Variants in DNAJC5B observed in about 807,000 individuals in gnomAD.
DNAJC5B encodes the protein DnaJ heat shock protein family (Hsp40) member C5 beta.
DNAJC5B carries 23 observed loss-of-function variants against 24.7 expected under a neutral mutation model. That is an observed-to-expected ratio of 0.93 (90% confidence interval 0.67 to 1.32). DNAJC5B has a LOEUF of 1.32. Ranked by LOEUF, DNAJC5B falls within the 40% of genes most tolerant of loss-of-function variation. The pLI, the probability that DNAJC5B is intolerant of heterozygous loss-of-function variation, is 0.00. For synonymous variants in DNAJC5B, 101 were observed against 90.1 expected (o/e 1.12, Z -0.68); for missense variants, 238 against 240.8 (o/e 0.99, Z 0.08).
chr8:66,078,651 T>C (rs1043155958), intron 4 of DNAJC5B, among the ~76,000 whole-genome samples: 4 of 152,188 alleles, frequency 2.6e-5, no homozygotes, highest in Admixed American at 6.5e-5. Context: ...TCAAGAACAC[T>C]GCACAGGAGG....
At chr8:66,073,533 G>A (rs914017321) in intron 3 of DNAJC5B, among the ~76,000 whole-genome samples, 1 of 151,756 alleles carries the variant, frequency 6.6e-6, no homozygotes, top group African/African-American at 2.4e-5. Flanking sequence ...AAATTGACAA[G>A]CTAATTCTAA....
chr8:66,074,572 G>T (rs527545835), intron 3 of DNAJC5B, among the ~76,000 whole-genome samples: 1 of 152,256 alleles, frequency 6.6e-6, no homozygotes, highest in African/African-American at 2.4e-5. Flanking sequence ...AGAATTAAAG[G>T]CTCACATTCT....
At chr8:66,061,534 C>G (rs572549589) in intron 3 of DNAJC5B, among the ~76,000 whole-genome samples, 72 of 151,570 alleles carry the variant, frequency 4.8e-4, no homozygotes, top group African/African-American at 1.6e-3. Flanking sequence ...AGCTAGGGCA[C>G]GGGTGCAGGG....
At chr8:66,027,637 G>C (rs1418704111) in intron 1 of DNAJC5B, among the ~76,000 whole-genome samples, 1 of 152,190 alleles carries the variant, frequency 6.6e-6, no homozygotes, top group African/African-American at 2.4e-5. Flanking sequence ...TTGGCAACTA[G>C]AAGACCAGTA....
At chr8:66,075,611 G>A (rs957271385) in intron 3 of DNAJC5B, among the ~76,000 whole-genome samples, 1 of 151,988 alleles carries the variant, frequency 6.6e-6, no homozygotes, top group Admixed American at 6.6e-5. Flanking sequence ...ATAAGTTTTG[G>A]TTAAATAAAT....
At chr8:66,063,013 AAAAC>A (rs1238332927) in intron 3 of DNAJC5B, among the ~76,000 whole-genome samples, 3 of 152,328 alleles carry the variant, frequency 2.0e-5, no homozygotes, top group African/African-American at 4.8e-5. Flanking sequence ...CTGACTCTAA[AAAAC>A]AAACAAACAA....
chr8:66,080,610 TC>T, intron 5 of DNAJC5B, 62 bp downstream of exon 5: 1 of 1,419,126 alleles, frequency 7.0e-7, no homozygotes, highest in Non-Finnish European at 9.5e-7. Flanking sequence ...AAGCACCAGG[TC>T]CCACGGGGAC....
intron 3 of DNAJC5B, among the ~76,000 whole-genome samples, chr8:66,055,345 C>T (rs1185605867): frequency 6.6e-6 from 1 of 152,132 alleles, no homozygotes; most frequent in Non-Finnish European, 1.5e-5. Flanking sequence ...TGGATCAAAG[C>T]AGTCACAATA....
At chr8:66,019,349 A>G (rs1224116525), upstream of DNAJC5B, among the ~76,000 whole-genome samples, 1 of 152,212 alleles carries the variant, frequency 6.6e-6, no homozygotes, top group African/African-American at 2.4e-5. Context: ...CACACTGCAT[A>G]TCTTTTTTCC....
chr8:66,076,731 T>C lies in DNAJC5B; in HGVS notation c.191T>C (p.Ile64Thr), dbSNP rs528549270. The change falls in exon 4 of 6, where the codon ATC becomes ACC. Residue 64 changes from isoleucine (I) to threonine (T), a missense_variant. Coordinates refer to ENST00000276570, the MANE Select transcript of DNAJC5B (RefSeq NM_033105.6). ...GCTGCTACTGAGAAGTTTAAAGAAA[T>C]CAACAACGCCCACGCAATACTTACC... Reference protein sequence around the residue: ...DPAATEKFKEINNAHAILTDI... With the variant: ...DPAATEKFKETNNAHAILTDI... 38 of 1,614,060 alleles carry C rather than the reference T, an allele frequency of 2.4e-5. 2 individuals are homozygous for C. In the South Asian group the frequency reaches 4.1e-4, roughly 17 times the overall value.
At chr8:66,041,446 G>A (rs1430835603) in intron 1 of DNAJC5B, among the ~76,000 whole-genome samples, 3 of 152,132 alleles carry the variant, frequency 2.0e-5, no homozygotes, top group Non-Finnish European at 4.4e-5. Context: ...AACCATATGT[G>A]GCAATTGAAA....
At chr8:66,063,269 G>A (rs1288141954) in intron 3 of DNAJC5B, among the ~76,000 whole-genome samples, 1 of 152,204 alleles carries the variant, frequency 6.6e-6, no homozygotes, top group East Asian at 1.9e-4. Flanking sequence ...TTCAAAAGAA[G>A]CAGAAAAGAG....
At chr8:66,091,481 C>T (rs971782617) in intron 5 of DNAJC5B, among the ~76,000 whole-genome samples, 1 of 152,260 alleles carries the variant, frequency 6.6e-6, no homozygotes, top group East Asian at 1.9e-4. Context: ...GTCACAGCCT[C>T]TCCCCATATT....
At chr8:66,047,897 T>C (rs1257516770) in intron 2 of DNAJC5B, among the ~76,000 whole-genome samples, 1 of 152,186 alleles carries the variant, frequency 6.6e-6, no homozygotes, top group Non-Finnish European at 1.5e-5. Context: ...GTATTCATTT[T>C]GCTATGCTGC....
chr8:66,020,749 CCT>C (rs751373705), upstream of DNAJC5B, among the ~76,000 whole-genome samples: 12 of 151,906 alleles, frequency 7.9e-5, no homozygotes, highest in East Asian at 1.9e-4. Context: ...GCGATCATCC[CCT>C]GTCAGCCTCC....
chr8:66,072,712 AG>A (rs1295016211), intron 3 of DNAJC5B, among the ~76,000 whole-genome samples: 1 of 152,220 alleles, frequency 6.6e-6, no homozygotes, highest in Non-Finnish European at 1.5e-5. Flanking sequence ...CTACATATTA[AG>A]ATGTGAAATG....
rs529514674 is a variant in DNAJC5B at position 66,065,074 on chromosome 8, G to A, written c.120-11586G>A. 2.6e-5 allele frequency among the ~76,000 whole-genome samples: 4 copies of A among 152,330 alleles called. 1 individual carries two copies. In the South Asian group the frequency reaches 8.3e-4, roughly 32 times the overall value. On this transcript the variant is annotated intron_variant, in intron 3 of 5. Transcript: ENST00000276570. ...AAATGTGGGGAAATACTTTTCAAGC[G>A]ATGATTGAGACACAGTGGTTTCACC... is the stretch of plus-strand genomic sequence containing the variant.
At chr8:66,069,442 A>T (rs1807297720) in intron 3 of DNAJC5B, among the ~76,000 whole-genome samples, 1 of 152,304 alleles carries the variant, frequency 6.6e-6, no homozygotes, top group East Asian at 1.9e-4. Flanking sequence ...GACAGAAAGC[A>T]TTACTACAGA....
chr8:66,079,663 C>T (rs1266143042), intron 4 of DNAJC5B, among the ~76,000 whole-genome samples: 1 of 152,168 alleles, frequency 6.6e-6, no homozygotes, highest in East Asian at 1.9e-4. Context: ...AGGATCTTGG[C>T]TGTATCTCAG....
Sources: gnomAD v4.1 joint callset for allele counts (sites outside exome capture counted in the v4.1 genomes callset) on GRCh38, gnomAD v4.1.1 for gene constraint, MANE v1.5 for transcripts, NCBI Gene and HGNC (gene_info 2026-07-23, HGNC 2026-07-21) for gene names.